PDHX: variants seen among roughly 807,000 people sequenced by gnomAD.
PDHX encodes pyruvate dehydrogenase complex component X, also known as pyruvate dehydrogenase protein X component, mitochondrial.
In PDHX, 33 loss-of-function variants were observed where a neutral mutation model predicts 55.3. That is an observed-to-expected ratio of 0.60 (90% confidence interval 0.45 to 0.80). The LOEUF (loss-of-function observed/expected upper bound fraction) is 0.80. Among genes scored for constraint, PDHX ranks in the 30% least tolerant of loss-of-function variants. The pLI, the probability that PDHX is intolerant of heterozygous loss-of-function variation, is 0.00. For missense variants in PDHX, 622 were observed against 619.9 expected, an observed-to-expected ratio of 1.00 and a Z score of -0.04; for synonymous variants, 226 against 219.4, an observed-to-expected ratio of 1.03 and a Z score of -0.27.
rs534005801 is a variant in PDHX at position 34,952,559 on chromosome 11, C to A, written c.343-4825C>A. Among the ~76,000 whole-genome samples the A allele has an allele frequency of 1.1e-3, 172 of 150,764 alleles. 1 individual carries two copies. The highest frequency in any genetic ancestry group is 9.6e-4 in the Non-Finnish European group (65 of 67,456). ...AGATACGCAAATCAATAAATGTAAT[C>A]CAACATATACACAGAACCAAAGACA... On this transcript the variant is annotated intron_variant, in intron 3 of 10. Coordinates refer to ENST00000227868, the MANE Select transcript of PDHX (RefSeq NM_003477.3).
intron 8 of PDHX, among the ~76,000 whole-genome samples, chr11:34,981,442 A>G (rs895231149): frequency 6.6e-6 from 1 of 152,146 alleles, no homozygotes; most frequent in Admixed American, 6.5e-5. Flanking sequence ...GCTATTGTGA[A>G]TAGTGCCACA....
At chr11:34,940,043 T>C (rs926229118) in intron 2 of PDHX, among the ~76,000 whole-genome samples, 2 of 152,174 alleles carry the variant, frequency 1.3e-5, no homozygotes, top group African/African-American at 2.4e-5. Context: ...TCTGTTAAAA[T>C]AACAGAAAGG....
intron 3 of PDHX, among the ~76,000 whole-genome samples, chr11:34,955,678 C>T (rs760884617): frequency 4.6e-5 from 7 of 151,872 alleles, no homozygotes; most frequent in Non-Finnish European, 7.4e-5. Flanking sequence ...GTCAATGTTA[C>T]GTTGGTAGAG....
intron 1 of PDHX, among the ~76,000 whole-genome samples, chr11:34,928,420 G>A (rs1020129492): frequency 1.3e-5 from 2 of 148,440 alleles, no homozygotes; most frequent in African/African-American, 2.5e-5. Context: ...GCCTCTTACC[G>A]TGGTGCTATT....
At chr11:34,922,670 T>C (rs1853914373) in intron 1 of PDHX, among the ~76,000 whole-genome samples, 1 of 152,138 alleles carries the variant, frequency 6.6e-6, no homozygotes, top group Non-Finnish European at 1.5e-5. Context: ...AGCCTATCAT[T>C]TTAGAACAAT....
chr11:34,945,512 A>G (rs1285957617), intron 2 of PDHX, among the ~76,000 whole-genome samples: 1 of 152,064 alleles, frequency 6.6e-6, no homozygotes, highest in Non-Finnish European at 1.5e-5. Context: ...AAAATTCTAG[A>G]CAGTTATTTT....
At chr11:34,961,557 G>A (rs1302940102) in intron 5 of PDHX, among the ~76,000 whole-genome samples, 2 of 152,162 alleles carry the variant, frequency 1.3e-5, no homozygotes, top group African/African-American at 4.8e-5. Flanking sequence ...GAGAGCAATG[G>A]TTGTTAAATT....
chr11:34,947,480 A>G (rs758933653), intron 2 of PDHX, 26 bp from the exon 3 acceptor site: 17 of 1,528,902 alleles, frequency 1.1e-5, no homozygotes, highest in Admixed American at 3.3e-5. Flanking sequence ...TTTAAAAAAC[A>G]AAACAAACCC....
chr11:34,953,441 A>C (rs1327892406), intron 3 of PDHX, among the ~76,000 whole-genome samples: 1 of 152,232 alleles, frequency 6.6e-6, no homozygotes, highest in African/African-American at 2.4e-5. Flanking sequence ...ACTTCAAAGT[A>C]TACTACAAGG....
At chr11:34,916,175 C>G (rs1853682835), upstream of PDHX, 41 of 1,578,368 alleles carry the variant, frequency 2.6e-5, no homozygotes, top group South Asian at 4.7e-4. Flanking sequence ...CCGCCGGGTC[C>G]CGCCTGGGCC....
intron 1 of PDHX, among the ~76,000 whole-genome samples, chr11:34,929,140 G>A (rs2062438683): frequency 1.1e-5 from 1 of 95,056 alleles, no homozygotes; most frequent in Admixed American, 1.0e-4. Context: ...AACTCATTGT[G>A]GCTATTTTTC....
At chr11:34,923,050 T>C (rs1853934925) in intron 1 of PDHX, among the ~76,000 whole-genome samples, 1 of 152,098 alleles carries the variant, frequency 6.6e-6, no homozygotes, top group South Asian at 2.1e-4. Context: ...TCTTCTAAAA[T>C]GTTTGGTTTA....
chr11:34,960,294 T>C, intron 4 of PDHX, 126 bp from the exon 5 acceptor site: 1 of 668,710 alleles, frequency 1.5e-6, no homozygotes, highest in Non-Finnish European at 2.7e-6. Context: ...TGACCATCTG[T>C]GGGAGTCATT....
rs187307382 is a variant in PDHX at position 34,953,792 on chromosome 11, C to T, written c.343-3592C>T. Among the ~76,000 whole-genome samples, 29 of 152,264 alleles carry T rather than the reference C, an allele frequency of 1.9e-4. 1 individual carries two copies. In the East Asian group the frequency reaches 4.4e-3, roughly 23 times the overall value. On this transcript the variant is annotated intron_variant, in intron 3 of 10. Transcript: ENST00000227868. Reference sequence around the variant, plus strand: ...TCTTGAGCAAGTTACATAACCTCTTCGTGCCTTAATTTTCTCATCTATAAA... The same window carrying T: ...TCTTGAGCAAGTTACATAACCTCTTTGTGCCTTAATTTTCTCATCTATAAA...
In PDHX at chr11:34,981,246, C is replaced by T. The variant is rs187280735; in HGVS notation, c.1023+3064C>T. Among the ~76,000 whole-genome samples, 45 of 152,144 alleles carry T rather than the reference C, an allele frequency of 3.0e-4. No individual in the cohort carries two copies. In the East Asian group the frequency reaches 4.6e-3, roughly 16 times the overall value. ...ATTCCCACCTATGAGTGACAACATG[C>T]GGTGTTTGGTTTTTTGTCCTTGAGG... On this transcript the variant is annotated intron_variant, in intron 8 of 10. Transcript: ENST00000227868.
intron 3 of PDHX, among the ~76,000 whole-genome samples, chr11:34,953,264 G>T (rs1854820616): frequency 6.6e-6 from 1 of 152,126 alleles, no homozygotes; most frequent in Non-Finnish European, 1.5e-5. Flanking sequence ...TGGCCATACT[G>T]CCCAAGGTAA....
At chr11:34,972,015 A>G (rs988782700) in intron 7 of PDHX, among the ~76,000 whole-genome samples, 3 of 151,610 alleles carry the variant, frequency 2.0e-5, no homozygotes, top group Non-Finnish European at 4.4e-5. Flanking sequence ...ATTTATTGGC[A>G]TAAAGTTATT....
At chr11:34,967,035 A>G (rs1237909027) in intron 6 of PDHX, among the ~76,000 whole-genome samples, 2 of 152,036 alleles carry the variant, frequency 1.3e-5, no homozygotes, top group African/African-American at 4.8e-5. Context: ...TATTTTTAGT[A>G]GAGACGGGGT....
intron 3 of PDHX, among the ~76,000 whole-genome samples, chr11:34,955,124 A>C (rs528457308): frequency 6.6e-6 from 1 of 152,150 alleles, no homozygotes; most frequent in Non-Finnish European, 1.5e-5. Flanking sequence ...TGCATAAGAA[A>C]ACTCTGGCAT....
Sources: gnomAD v4.1 joint callset for allele counts (sites outside exome capture counted in the v4.1 genomes callset) on GRCh38, gnomAD v4.1.1 for gene constraint, MANE v1.5 for transcripts, NCBI Gene and HGNC (gene_info 2026-07-23, HGNC 2026-07-21) for gene names.